The following C6orf89 variants were observed in gnomAD, a reference collection of about 807,000 sequenced individuals.
C6orf89 encodes chromosome 6 open reading frame 89.
Under a neutral mutation model 40.7 loss-of-function variants are expected in C6orf89, and 29 were observed. That is an observed-to-expected ratio of 0.71 (90% CI 0.53 to 0.97). The LOEUF is 0.97. C6orf89 is among the 50% of genes least tolerant of loss of function. The probability of loss-of-function intolerance (pLI) is 0.00; values close to 1 mark genes in which losing one functional copy is unlikely to be tolerated. For missense variants in C6orf89, 392 were observed against 429.1 expected, an observed-to-expected ratio of 0.91 and a Z score of 0.76; for synonymous variants, 165 against 152.2, an observed-to-expected ratio of 1.08 and a Z score of -0.62.
intron 1 of C6orf89, among the ~76,000 whole-genome samples, chr6:36,877,715 C>A (rs531041103): frequency 1.8e-4 from 28 of 152,338 alleles, no homozygotes; most frequent in African/African-American, 6.5e-4. Context: ...TATTGCTAGT[C>A]TTTTTCATTT....
At chr6:36,897,364 C>T (rs1347425639) in intron 2 of C6orf89, among the ~76,000 whole-genome samples, 1 of 152,136 alleles carries the variant, frequency 6.6e-6, no homozygotes, top group Non-Finnish European at 1.5e-5. Flanking sequence ...AATCATCCCT[C>T]TGTATATGTA....
intron 1 of C6orf89, among the ~76,000 whole-genome samples, chr6:36,886,292 T>C (rs1774985347): frequency 6.6e-6 from 1 of 152,212 alleles, no homozygotes; most frequent in Non-Finnish European, 1.5e-5. Flanking sequence ...TGCTTGAACT[T>C]GGTTCTCAGG....
rs762647975 is a variant in C6orf89 at position 36,902,315 on chromosome 6, A to G, written c.284A>G (p.His95Arg). The G allele has an allele frequency of 2.5e-6, 4 of 1,614,056 alleles. No homozygotes were observed. The highest frequency in any genetic ancestry group is 3.4e-6 in the Non-Finnish European group (4 of 1,180,040). The change falls in exon 4 of 9, where the codon CAC becomes CGC. Residue 95 changes from histidine (H) to arginine (R), a missense_variant. Transcript: ENST00000480824. ...CCTGAGCCAGTGCTTTCTGGAGCTC[A>G]CACCTGGCGCTCACTCATCCATCAC... ...LAPEPVLSGAHTWRSLIHHIR... is the reference protein window; with the variant it reads ...LAPEPVLSGARTWRSLIHHIR...
chr6:36,898,401 G>A (rs772950690), intron 2 of C6orf89, among the ~76,000 whole-genome samples: 4 of 150,018 alleles, frequency 2.7e-5, no homozygotes, highest in African/African-American at 4.9e-5. Flanking sequence ...TGCCTCAGCC[G>A]CCCGAGTAGC....
chr6:36,893,748 T>C (rs1761313408), intron 1 of C6orf89, among the ~76,000 whole-genome samples: 1 of 152,170 alleles, frequency 6.6e-6, no homozygotes, highest in South Asian at 2.1e-4. Flanking sequence ...CTAGCCAATA[T>C]GGTGAAACCC....
chr6:36,902,370 G>C lies in C6orf89; in HGVS notation c.339G>C (p.Lys113Asn). ...GGCTGATGTCCTTGCCCATTGCCAA[G>C]AAGTACATGTCAGAAAATAAGGGAG... The part of the protein sequence containing the change: ...HIRLMSLPIA[K>N]KYMSENKGVP... The change falls in exon 4 of 9, where the codon AAG becomes AAC. Residue 113 changes from lysine to asparagine, a missense_variant. Lys to Asn is a moderately conservative substitution (Grantham distance 94). Coordinates refer to ENST00000480824, the MANE Select transcript of C6orf89 (RefSeq NM_001286635.2). 3 of 1,614,222 alleles carry C rather than the reference G, an allele frequency of 1.9e-6. No individual in the cohort carries two copies. The highest frequency in any genetic ancestry group is 1.7e-6 in the Non-Finnish European group (2 of 1,180,054).
At position 36,885,980 on chromosome 6, in the gene C6orf89, G is replaced by T. The variant is rs1482793852; in HGVS notation, c.-168G>T. ...AAGTTGCCCATCCTCCTCGCCCGGC[G>T]GCAGCTGTCCCCGAGGCGGGAGGAG... is the stretch of plus-strand genomic sequence containing the variant. On this transcript the variant is annotated 5_prime_UTR_variant, in exon 1 of 9. Coordinates refer to ENST00000480824, the MANE Select transcript of C6orf89 (RefSeq NM_001286635.2). The T allele has an allele frequency of 4.0e-5, 50 of 1,251,742 alleles. No individual in the cohort carries two copies. The highest frequency in any genetic ancestry group is 4.8e-5 in the Non-Finnish European group (48 of 999,614). 77.5% of individuals were successfully genotyped at this position (1,251,742 alleles called of 1,614,324 possible).
chr6:36,872,036 A>G, intron 1 of C6orf89: 1 of 584,256 alleles, frequency 1.7e-6, no homozygotes, highest in South Asian at 3.4e-5. Flanking sequence ...AATGCAAGTA[A>G]CATAAACACC....
chr6:36,915,717 AGGTT>A (rs1286130786), intron 6 of C6orf89, among the ~76,000 whole-genome samples: 18 of 151,430 alleles, frequency 1.2e-4, no homozygotes, highest in Non-Finnish European at 5.9e-5. Context: ...AAAAAAAAAA[AGGTT>A]GGGGGAGGGG....
At chr6:36,887,345 T>G (rs1775033246) in intron 1 of C6orf89, among the ~76,000 whole-genome samples, 1 of 152,238 alleles carries the variant, frequency 6.6e-6, no homozygotes, top group Non-Finnish European at 1.5e-5. Flanking sequence ...TTAGGTCCTT[T>G]CTATAAATTT....
In C6orf89 at chr6:36,899,530, G is replaced by T. The variant is rs370774971; in HGVS notation, c.86G>T (p.Gly29Val). ...GTGAGACAGACCGGCCATCAGTGTG[G>T]CATGTCAGAGAAGGCAATTGAAAAA... ...DLVRQTGHQCGMSEKAIEKFI... is the reference protein window; with the variant it reads ...DLVRQTGHQCVMSEKAIEKFI... The change falls in exon 3 of 9, where the codon GGC (glycine) becomes GTC (valine). Residue 29 changes from glycine (G) to valine (V), a missense_variant. Physicochemically the swap from Gly to Val is moderately radical, Grantham distance 109. Transcript: ENST00000480824. The T allele has an allele frequency of 6.2e-7, 1 of 1,614,072 alleles. No individual in the cohort carries two copies. The highest frequency in any genetic ancestry group is 8.5e-7 in the Non-Finnish European group (1 of 1,180,008).
upstream of C6orf89, among the ~76,000 whole-genome samples, chr6:36,882,812 A>G (rs1774860380): frequency 7.1e-6 from 1 of 139,936 alleles, no homozygotes. Flanking sequence ...ATCTCGGCTC[A>G]CTGCAAGCTC....
chr6:36,882,997 C>T (rs955888176), upstream of C6orf89, among the ~76,000 whole-genome samples: 1 of 152,094 alleles, frequency 6.6e-6, no homozygotes, highest in African/African-American at 2.4e-5. Flanking sequence ...CCTCGGCCTC[C>T]CAAAGTGCTG....
Position 36,902,211 on chromosome 6 carries a change from T to G in C6orf89, c.190-10T>G. ...GCTGGGATTAATGCCTTTTCTATCT[T>G]TCCTTGTAGGTTCTCGCAACCTTGG... On this transcript the variant is annotated splice_polypyrimidine_tract_variant and intron_variant, in intron 3 of 8. Transcript: ENST00000480824. The G allele has an allele frequency of 3.7e-6, 6 of 1,613,104 alleles. No homozygotes were observed. Among genetic ancestry groups the G allele is most frequent in the Non-Finnish European group, 4.2e-6 (5 of 1,179,064 alleles).
At position 36,886,137 on chromosome 6, in the gene C6orf89, C is replaced by G. The variant is rs1005004575; in HGVS notation, c.-120+109C>G. On this transcript the variant is annotated intron_variant, in intron 1 of 8. Transcript: ENST00000480824. ...GCCGCTTCTCGCCGCTGCTACCACCCTCTATCCCAGCGCGGATCCCTTTTC... is the reference window on the plus strand; with the variant it reads ...GCCGCTTCTCGCCGCTGCTACCACCGTCTATCCCAGCGCGGATCCCTTTTC... 1.1e-5 allele frequency: 11 copies of G among 986,436 alleles called. No individual in the cohort carries two copies. In the African/African-American group the frequency reaches 1.7e-4, roughly 15 times the overall value. 61.1% of individuals were successfully genotyped at this position (986,436 alleles called of 1,614,324 possible). A position where few individuals can be genotyped will look rare whatever the true frequency, so the allele number is the denominator to read the frequency against.
chr6:36,872,458 A>C (rs1320417057), intron 1 of C6orf89, among the ~76,000 whole-genome samples: 1 of 152,188 alleles, frequency 6.6e-6, no homozygotes, highest in Non-Finnish European at 1.5e-5. Flanking sequence ...ACAAAGGCAA[A>C]ACCTGGTAAC....
intron 7 of C6orf89, among the ~76,000 whole-genome samples, chr6:36,918,683 A>C (rs1183938610): frequency 1.3e-5 from 2 of 152,184 alleles, no homozygotes; most frequent in Non-Finnish European, 2.9e-5. Context: ...AGATAGGAGG[A>C]AGAGATGAGA....
intron 1 of C6orf89, among the ~76,000 whole-genome samples, chr6:36,890,925 A>C (rs957148268): frequency 6.6e-6 from 1 of 152,004 alleles, no homozygotes; most frequent in Admixed American, 6.6e-5. Context: ...ATGTTTTATC[A>C]GTTATTTTTC....
chr6:36,923,289 C>T, intron 8 of C6orf89, 58 bp from the exon 9 acceptor site: 1 of 1,370,106 alleles, frequency 7.3e-7, no homozygotes, highest in Non-Finnish European at 1.0e-6. Flanking sequence ...TGCTCGTGCC[C>T]ACAGGTGTGC....
Sources: allele counts gnomAD v4.1 joint callset (sites outside exome capture counted in the v4.1 genomes callset), GRCh38; gene constraint gnomAD v4.1.1; transcripts MANE v1.5; gene names NCBI Gene and HGNC (gene_info 2026-07-23, HGNC 2026-07-21).